SDC2: variants seen among roughly 807,000 people sequenced by gnomAD.
SDC2 encodes the protein syndecan-2.
SDC2 carries 13 observed loss-of-function variants against 22.2 expected under a neutral mutation model. The observed-to-expected ratio is 0.59, with a 90% CI of 0.38 to 0.93. The LOEUF is 0.93. SDC2 is among the 40% of genes least tolerant of loss of function. SDC2 has a pLI of 0.00. For synonymous variants in SDC2, 94 were observed against 92.8 expected, an observed-to-expected ratio of 1.01 and a Z score of -0.07; for missense variants, 235 against 246.8, an observed-to-expected ratio of 0.95 and a Z score of 0.32.
At chr8:96,530,222 G>A (rs899255645) in intron 1 of SDC2, among the ~76,000 whole-genome samples, 1 of 152,144 alleles carries the variant, frequency 6.6e-6, no homozygotes, top group African/African-American at 2.4e-5. Context: ...TGGGGAATTA[G>A]AAAACTAATT....
chr8:96,562,531 C>T (rs936582269), intron 1 of SDC2, among the ~76,000 whole-genome samples: 7 of 152,164 alleles, frequency 4.6e-5, no homozygotes, highest in Non-Finnish European at 7.4e-5. Context: ...CTGGAGTGAA[C>T]GTCAGAAGCT....
chr8:96,592,986 C>T (rs1044948745), intron 1 of SDC2, among the ~76,000 whole-genome samples: 1 of 152,212 alleles, frequency 6.6e-6, no homozygotes, highest in African/African-American at 2.4e-5. Context: ...CGGTAAAGTT[C>T]TGAGTATTGC....
intron 1 of SDC2, among the ~76,000 whole-genome samples, chr8:96,508,533 T>C (rs78882356): frequency 0.043 from 4,307 of 99,462 alleles, 580 homozygotes; most frequent in African/African-American, 0.12. Flanking sequence ...ATAAATTTTA[T>C]CATAACACAA....
At chr8:96,543,764 G>A (rs1300975452) in intron 1 of SDC2, among the ~76,000 whole-genome samples, 1 of 152,108 alleles carries the variant, frequency 6.6e-6, no homozygotes, top group Non-Finnish European at 1.5e-5. Flanking sequence ...TCATATTTGA[G>A]TTTTTAAAAA....
chr8:96,539,887 A>G (rs1476284185), intron 1 of SDC2, among the ~76,000 whole-genome samples: 3 of 152,152 alleles, frequency 2.0e-5, no homozygotes, highest in African/African-American at 7.2e-5. Flanking sequence ...AGGACACCAT[A>G]TGATATAAAT....
At chr8:96,505,780 A>T (rs552437841) in intron 1 of SDC2, among the ~76,000 whole-genome samples, 1 of 152,332 alleles carries the variant, frequency 6.6e-6, no homozygotes, top group African/African-American at 2.4e-5. Flanking sequence ...TGTACTCGAT[A>T]AATCAGTTTA....
intron 1 of SDC2, among the ~76,000 whole-genome samples, chr8:96,512,678 T>C (rs1027824648): frequency 1.3e-5 from 2 of 152,166 alleles, no homozygotes; most frequent in African/African-American, 4.8e-5. Context: ...GCATGGAATA[T>C]TTGAAGATTA....
At chr8:96,584,293 A>G (rs781540251) in intron 1 of SDC2, among the ~76,000 whole-genome samples, 25 of 152,320 alleles carry the variant, frequency 1.6e-4, no homozygotes, top group Non-Finnish European at 2.9e-4. Context: ...TTTGGCCCCA[A>G]GGTCTTTCCC....
At chr8:96,600,511 A>G (rs897275358) in intron 2 of SDC2, among the ~76,000 whole-genome samples, 1 of 152,254 alleles carries the variant, frequency 6.6e-6, no homozygotes, top group Non-Finnish European at 1.5e-5. Context: ...GTTATGTCTT[A>G]GACACTATGT....
intron 1 of SDC2, among the ~76,000 whole-genome samples, chr8:96,560,471 T>C (rs1814190355): frequency 6.6e-6 from 1 of 152,220 alleles, no homozygotes; most frequent in Non-Finnish European, 1.5e-5. Context: ...TTTTATTAAA[T>C]GGTCTCATTT....
intron 1 of SDC2, among the ~76,000 whole-genome samples, chr8:96,513,166 C>T (rs117305631): frequency 0.048 from 7,327 of 152,174 alleles, 267 homozygotes; most frequent in Middle Eastern, 0.19. Context: ...AATAATATAT[C>T]ATATTCAAAA....
chr8:96,592,566 T>C (rs1022718896), intron 1 of SDC2, among the ~76,000 whole-genome samples: 3 of 152,176 alleles, frequency 2.0e-5, no homozygotes, highest in Non-Finnish European at 2.9e-5. Flanking sequence ...ACTAAAACCA[T>C]TTTTTAAAGT....
At chr8:96,586,345 T>G (rs1479153981) in intron 1 of SDC2, 1 of 152,242 alleles carries the variant, frequency 6.6e-6, no homozygotes, top group African/African-American at 2.4e-5. Flanking sequence ...AAAAAAGGGT[T>G]TCTTCTACTT....
chr8:96,602,613 ATTATT>A, intron 3 of SDC2, 85 bp downstream of exon 3: 1 of 1,442,468 alleles, frequency 6.9e-7, no homozygotes, highest in Non-Finnish European at 9.5e-7. Flanking sequence ...TCCCTTTTGT[ATTATT>A]TTCTTCTTTT....
intron 1 of SDC2, among the ~76,000 whole-genome samples, chr8:96,524,351 C>T (rs1028556981): frequency 6.6e-6 from 1 of 152,178 alleles, no homozygotes; most frequent in Non-Finnish European, 1.5e-5. Context: ...AGCTGCTGCT[C>T]GCTGTCTGTG....
intron 1 of SDC2, among the ~76,000 whole-genome samples, chr8:96,567,582 T>C (rs1312758814): frequency 6.6e-6 from 1 of 152,152 alleles, no homozygotes; most frequent in Non-Finnish European, 1.5e-5. Context: ...AGCTCCCACT[T>C]AAGAGTAAGA....
chr8:96,605,806 C>G (rs1363444253), intron 3 of SDC2, among the ~76,000 whole-genome samples: 1 of 152,190 alleles, frequency 6.6e-6, no homozygotes, highest in African/African-American at 2.4e-5. Context: ...CCCTAGAGTA[C>G]AAATGGATCC....
intron 1 of SDC2, among the ~76,000 whole-genome samples, chr8:96,537,944 GTTT>G (rs55868440): frequency 6.6e-6 from 1 of 151,288 alleles, no homozygotes; most frequent in Non-Finnish European, 1.5e-5. Flanking sequence ...TAAAGCTTAT[GTTT>G]TGTTTTTTGT....
At chr8:96,607,343 G>A (rs1321710994) in intron 3 of SDC2, among the ~76,000 whole-genome samples, 1 of 152,144 alleles carries the variant, frequency 6.6e-6, no homozygotes, top group Non-Finnish European at 1.5e-5. Context: ...CCTGAACGAA[G>A]CTGTGGAAAT....
Sources: allele counts gnomAD v4.1 joint callset (sites outside exome capture counted in the v4.1 genomes callset), GRCh38; gene constraint gnomAD v4.1.1; transcripts MANE v1.5; gene names NCBI Gene and HGNC (gene_info 2026-07-23, HGNC 2026-07-21).